The following PIN4 variants were observed in gnomAD, a reference collection of about 807,000 sequenced individuals.
PIN4 encodes peptidylprolyl cis/trans isomerase, NIMA-interacting 4.
In PIN4, 3 loss-of-function variants were observed where a neutral mutation model predicts 8.3. The ratio of observed to expected loss-of-function variants is 0.36; its 90% CI spans 0.16 to 0.93. The LOEUF is 0.93. Ranked by LOEUF, PIN4 falls within the 40% of genes least tolerant of loss-of-function variation. The probability of loss-of-function intolerance (pLI) is 0.44; values close to 1 mark genes in which losing one functional copy is unlikely to be tolerated. For synonymous variants in PIN4, 18 were observed against 32.5 expected (o/e 0.55, Z 1.52); for missense variants, 75 against 100.6 (o/e 0.75, Z 1.09).
chrX:72,193,190 A>C (rs2042745021), intron 2 of PIN4, among the ~76,000 whole-genome samples: 1 of 112,008 alleles, frequency 8.9e-6, no homozygotes, highest in Admixed American at 9.5e-5. Flanking sequence ...TTATTCATTT[A>C]TAAAATGGTG....
intron 3 of PIN4, chrX:72,205,031 GCT>G: frequency 8.4e-7 from 1 of 1,195,107 alleles, no homozygotes; most frequent in Non-Finnish European, 1.1e-6. Flanking sequence ...TTATTAAGTT[GCT>G]TATACAAACT....
At chrX:72,226,325 G>A (rs2042953552) in intron 3 of PIN4, among the ~76,000 whole-genome samples, 1 of 111,963 alleles carries the variant, frequency 8.9e-6, no homozygotes, top group Admixed American at 9.5e-5. Context: ...CTATCATTGA[G>A]GGATATCATG....
intron 3 of PIN4, chrX:72,207,477 G>T: frequency 4.1e-6 from 5 of 1,210,514 alleles, no homozygotes; most frequent in Non-Finnish European, 5.6e-6. Context: ...CTTGAGCAGA[G>T]AATGTCCCAA....
intron 3 of PIN4, chrX:72,255,952 A>G (rs190552116): frequency 1.2e-4 from 13 of 112,045 alleles, no homozygotes; most frequent in Admixed American, 3.8e-4. Context: ...AAGGCATTTC[A>G]TTCGATATTT....
chrX:72,185,118 T>A (rs1262540752), intron 1 of PIN4, among the ~76,000 whole-genome samples: 1 of 75,813 alleles, frequency 1.3e-5, no homozygotes, highest in Non-Finnish European at 2.3e-5. Flanking sequence ...CACTCCAGCC[T>A]GGGCGACAGA....
chrX:72,211,677 A>G (rs963618707), intron 3 of PIN4, among the ~76,000 whole-genome samples: 1 of 111,130 alleles, frequency 9.0e-6, no homozygotes, highest in African/African-American at 3.3e-5. Context: ...CCAGCTATTC[A>G]GGAGGCTGAG....
Position 72,241,352 on chromosome X carries a change from CT to C in PIN4, c.313-21353del, listed in dbSNP as rs1173216112. Among the ~76,000 whole-genome samples, 4 of 111,176 alleles carry C rather than the reference CT, an allele frequency of 3.6e-5. 1 individual carries two copies. Among genetic ancestry groups the C allele is most frequent in the Non-Finnish European group, 7.5e-5 (4 of 53,022 alleles). Reference sequence around the variant, plus strand: ...GGAGCTAGTTTAGGCCCTTTTTGCTCTTCTGCTTTCCTACCATGTAAGGACA... The same window carrying C: ...GGAGCTAGTTTAGGCCCTTTTTGCTCTCTGCTTTCCTACCATGTAAGGACA... On this transcript the variant is annotated intron_variant, in intron 3 of 3. Coordinates refer to the PIN4 transcript ENST00000423432.
intron 3 of PIN4, among the ~76,000 whole-genome samples, chrX:72,228,276 A>C (rs1417590695): frequency 8.9e-6 from 1 of 112,323 alleles, no homozygotes; most frequent in African/African-American, 3.2e-5. Context: ...TGCTGAGGAA[A>C]TTAATTTTAT....
rs373407969 is a variant in PIN4 at position 72,207,075 on chromosome X, A to G, written c.312+10171A>G. ...TTCGGTAAACTCTATCCACAGCTTG[A>G]GCATCAGTTGCAGGATTCCAGCTAG... On this transcript the variant is annotated intron_variant, in intron 3 of 3. Coordinates refer to the PIN4 transcript ENST00000423432. 4 of 1,210,026 alleles carry G rather than the reference A, an allele frequency of 3.3e-6. No individual in the cohort carries two copies. The African/African-American group carries it at 7.0e-5, about 21-fold the overall frequency.
chrX:72,210,779 A>G (rs1297264219), intron 3 of PIN4, among the ~76,000 whole-genome samples: 2 of 111,732 alleles, frequency 1.8e-5, no homozygotes, highest in Non-Finnish European at 3.8e-5. Flanking sequence ...TGCCTGAACC[A>G]CAACGAGAGT....
intron 2 of PIN4, among the ~76,000 whole-genome samples, chrX:72,188,006 C>T (rs1375384669): frequency 2.0e-5 from 2 of 99,567 alleles, no homozygotes; most frequent in African/African-American, 7.6e-5. Flanking sequence ...TTCAATGAAC[C>T]TATGCCCCAC....
downstream of PIN4, among the ~76,000 whole-genome samples, chrX:72,200,609 A>G (rs1478364663): frequency 8.9e-6 from 1 of 112,572 alleles, no homozygotes; most frequent in African/African-American, 3.2e-5. Flanking sequence ...CACTAACAAT[A>G]GATTATGATA....
At chrX:72,222,628 C>T (rs1386337203) in intron 3 of PIN4, among the ~76,000 whole-genome samples, 6 of 98,933 alleles carry the variant, frequency 6.1e-5, no homozygotes, top group African/African-American at 1.5e-4. Context: ...GATGGAGTCT[C>T]ACTCTGTTGC....
chrX:72,196,466 A>G (rs142290104), intron 2 of PIN4, among the ~76,000 whole-genome samples: 2,736 of 107,630 alleles, frequency 0.025, 99 homozygotes, highest in African/African-American at 0.086. Context: ...CCCGGGAGGC[A>G]GAGGTTGCAG....
At chrX:72,194,954 C>T (rs150372438) in intron 2 of PIN4, among the ~76,000 whole-genome samples, 1,200 of 111,871 alleles carry the variant, frequency 0.011, 20 homozygotes, top group African/African-American at 0.037. Flanking sequence ...AGTACAGTCA[C>T]ATACTGTACA....
At chrX:72,196,646 G>A in intron 2 of PIN4, 139 bp from the exon 3 acceptor site, 1 of 465,478 alleles carries the variant, frequency 2.1e-6, no homozygotes. Context: ...GTTGTCCTGG[G>A]CAAACTTCCA....
chrX:72,204,454 C>T (rs1158246222), intron 3 of PIN4, among the ~76,000 whole-genome samples: 1 of 111,795 alleles, frequency 8.9e-6, no homozygotes, highest in Non-Finnish European at 1.9e-5. Flanking sequence ...GTGTTATACA[C>T]CTTCATTTTG....
downstream of PIN4, among the ~76,000 whole-genome samples, chrX:72,202,230 T>A (rs896396000): frequency 8.9e-6 from 1 of 112,725 alleles, no homozygotes; most frequent in Non-Finnish European, 1.9e-5. Context: ...CCTGACTTCT[T>A]CTACCCATGA....
chrX:72,185,740 A>G (rs1201694162), intron 1 of PIN4, among the ~76,000 whole-genome samples: 1 of 112,727 alleles, frequency 8.9e-6, no homozygotes, highest in Non-Finnish European at 1.9e-5. Flanking sequence ...TTCTAGGAAG[A>G]CATCAATAGG....
Sources: gnomAD v4.1 joint callset for allele counts (sites outside exome capture counted in the v4.1 genomes callset) on GRCh38, gnomAD v4.1.1 for gene constraint, MANE v1.5 for transcripts, NCBI Gene and HGNC (gene_info 2026-07-23, HGNC 2026-07-21) for gene names.